The following ZNF385B variants were observed in gnomAD, a reference collection of about 807,000 sequenced individuals.
ZNF385B encodes zinc finger protein 533.
A neutral mutation model predicts 39.2 loss-of-function variants in ZNF385B; 23 were observed. The observed-to-expected ratio is 0.59, with a 90% CI of 0.42 to 0.83. The LOEUF (loss-of-function observed/expected upper bound fraction) is 0.83. Ranked by LOEUF, ZNF385B falls within the 40% of genes least tolerant of loss-of-function variation. ZNF385B has a pLI of 0.00. For synonymous variants in ZNF385B, 205 were observed against 222.6 expected, an observed-to-expected ratio of 0.92 and a Z score of 0.70; for missense variants, 552 against 598.9, an observed-to-expected ratio of 0.92 and a Z score of 0.82.
chr2:179,791,618 T>C (rs950451101), intron 1 of ZNF385B, among the ~76,000 whole-genome samples: 1 of 152,174 alleles, frequency 6.6e-6, no homozygotes, highest in Non-Finnish European at 1.5e-5. Context: ...GCAATCAAGA[T>C]AAGCAATATT....
intron 4 of ZNF385B, among the ~76,000 whole-genome samples, chr2:179,521,262 C>T (rs1436762221): frequency 6.6e-6 from 1 of 151,336 alleles, no homozygotes; most frequent in African/African-American, 2.4e-5. Context: ...TATCAGCTCA[C>T]TGAAACCTCT....
chr2:179,656,061 T>A (rs1317041925), intron 3 of ZNF385B, among the ~76,000 whole-genome samples: 1 of 152,156 alleles, frequency 6.6e-6, no homozygotes, highest in Non-Finnish European at 1.5e-5. Context: ...TATTAGAAGT[T>A]TATCTTTTAT....
intron 3 of ZNF385B, among the ~76,000 whole-genome samples, chr2:179,554,115 T>C (rs1460958526): frequency 1.3e-5 from 2 of 149,318 alleles, no homozygotes; most frequent in Admixed American, 6.7e-5. Context: ...TTCCTCAACC[T>C]GTGCCTGATA....
chr2:179,848,844 G>A (rs996287195), intron 1 of ZNF385B, among the ~76,000 whole-genome samples: 1 of 152,168 alleles, frequency 6.6e-6, no homozygotes. Context: ...AGCTTCTTCA[G>A]GACTTGGGTG....
chr2:179,610,654 A>T (rs931810087), intron 3 of ZNF385B, among the ~76,000 whole-genome samples: 1 of 152,158 alleles, frequency 6.6e-6, no homozygotes, highest in Non-Finnish European at 1.5e-5. Context: ...TAGTATGGAC[A>T]TCTTAACAAT....
rs1692214418 is a variant in ZNF385B at position 179,640,973 on chromosome 2, A to AT, written c.299-96005dup. Among the ~76,000 whole-genome samples, 4 of 152,076 alleles carry AT rather than the reference A, an allele frequency of 2.6e-5. No homozygotes were observed. The South Asian group carries it at 8.3e-4, about 32-fold the overall frequency. Reference sequence around the variant, plus strand: ...ATGTACTTTCTCTCTGAAAAGAGTTATTTTCCCTTAACTTTTATTATGGAT... The same window carrying AT: ...ATGTACTTTCTCTCTGAAAAGAGTTATTTTTCCCTTAACTTTTATTATGGAT... On this transcript the variant is annotated intron_variant, in intron 3 of 9. Coordinates refer to ENST00000410066, the MANE Select transcript of ZNF385B (RefSeq NM_152520.6).
chr2:179,506,802 G>A (rs1192957802), intron 5 of ZNF385B, among the ~76,000 whole-genome samples: 1 of 152,022 alleles, frequency 6.6e-6, no homozygotes, highest in Non-Finnish European at 1.5e-5. Context: ...TTCCTAGAGA[G>A]GAAGGAGTAT....
At chr2:179,824,767 G>A (rs1232352429) in intron 1 of ZNF385B, among the ~76,000 whole-genome samples, 1 of 115,840 alleles carries the variant, frequency 8.6e-6, no homozygotes, top group African/African-American at 3.6e-5. Flanking sequence ...CATTTTATTG[G>A]AGAATTTTTT....
At chr2:179,450,670 AC>A (rs1371722253) in intron 6 of ZNF385B, among the ~76,000 whole-genome samples, 3 of 152,050 alleles carry the variant, frequency 2.0e-5, no homozygotes, top group Non-Finnish European at 4.4e-5. Flanking sequence ...AACTAGTTCA[AC>A]CATTGTGGAA....
At chr2:179,751,824 C>A (rs1229746543) in intron 3 of ZNF385B, among the ~76,000 whole-genome samples, 3 of 152,096 alleles carry the variant, frequency 2.0e-5, no homozygotes, top group Non-Finnish European at 2.9e-5. Context: ...CTGCAAAATA[C>A]CCAGGTTTTA....
At chr2:179,471,087 G>A (rs1247416871) in intron 6 of ZNF385B, among the ~76,000 whole-genome samples, 1 of 152,094 alleles carries the variant, frequency 6.6e-6, no homozygotes, top group Non-Finnish European at 1.5e-5. Context: ...TTCCTCAAGG[G>A]GGCTTAGGGG....
At chr2:179,634,315 GC>G (rs1310297195) in intron 3 of ZNF385B, among the ~76,000 whole-genome samples, 1 of 152,004 alleles carries the variant, frequency 6.6e-6, no homozygotes, top group Non-Finnish European at 1.5e-5. Flanking sequence ...CTGACAAAGG[GC>G]TAACATCCAG....
chr2:179,446,989 C>T (rs1450652998), intron 6 of ZNF385B, among the ~76,000 whole-genome samples: 4 of 152,096 alleles, frequency 2.6e-5, no homozygotes, highest in African/African-American at 9.7e-5. Flanking sequence ...ATAAGGATGA[C>T]TTATGAAAAA....
chr2:179,813,146 T>A (rs1706842059), intron 1 of ZNF385B, among the ~76,000 whole-genome samples: 2 of 152,202 alleles, frequency 1.3e-5, no homozygotes, highest in African/African-American at 4.8e-5. Context: ...AAATATCTAC[T>A]TACATTCTTT....
chr2:179,787,871 T>C (rs186145090), intron 1 of ZNF385B, among the ~76,000 whole-genome samples: 6 of 152,324 alleles, frequency 3.9e-5, no homozygotes, highest in Admixed American at 3.3e-4. Flanking sequence ...CCTATTTCAC[T>C]GCTCTGAAAG....
At chr2:179,630,023 T>C (rs1163966233) in intron 3 of ZNF385B, among the ~76,000 whole-genome samples, 1 of 152,232 alleles carries the variant, frequency 6.6e-6, no homozygotes, top group Admixed American at 6.5e-5. Flanking sequence ...AAGCTCAAAC[T>C]GGGCGGAGCC....
intron 3 of ZNF385B, among the ~76,000 whole-genome samples, chr2:179,672,777 G>C (rs1384511082): frequency 6.6e-6 from 1 of 152,084 alleles, no homozygotes; most frequent in Middle Eastern, 3.2e-3. Flanking sequence ...CCTTGATCTT[G>C]GAATTCCCAG....
At chr2:179,592,275 T>C (rs1448884777) in intron 3 of ZNF385B, among the ~76,000 whole-genome samples, 1 of 152,062 alleles carries the variant, frequency 6.6e-6, no homozygotes, top group African/African-American at 2.4e-5. Context: ...AAATATAAAG[T>C]CTATTTGGAA....
chr2:179,645,824 T>C (rs1399688), intron 3 of ZNF385B, among the ~76,000 whole-genome samples: 151,764 of 152,332 alleles, frequency 1, 75,603 homozygotes, highest in East Asian at 1. Flanking sequence ...CTGTGCCCTG[T>C]TTTCCTGATG....
Sources: allele counts gnomAD v4.1 joint callset (sites outside exome capture counted in the v4.1 genomes callset), GRCh38; gene constraint gnomAD v4.1.1; transcripts MANE v1.5; gene names NCBI Gene and HGNC (gene_info 2026-07-23, HGNC 2026-07-21).